Variants in DPP6 observed in about 807,000 individuals in gnomAD.
DPP6 encodes dipeptidyl peptidase like 6.
A neutral mutation model predicts 122.6 loss-of-function variants in DPP6; 69 were observed. The observed-to-expected ratio is 0.56, with a 90% CI of 0.46 to 0.69. The LOEUF (loss-of-function observed/expected upper bound fraction) is 0.69. DPP6 is among the 30% of genes least tolerant of loss of function. DPP6 has a pLI of 0.00. For missense variants in DPP6, 928 were observed against 1,116.9 expected (o/e 0.83, Z 2.41); for synonymous variants, 418 against 433.1 (o/e 0.97, Z 0.43).
At chr7:153,920,559 C>CTTT (rs1277103780) in intron 1 of DPP6, among the ~76,000 whole-genome samples, 1 of 18,016 alleles carries the variant, frequency 5.6e-5, no homozygotes, top group Admixed American at 8.1e-4. Flanking sequence ...TCTTTTATCT[C>CTTT]TCTCTTTTTT....
the DPP6 span, among the ~76,000 whole-genome samples, chr7:153,800,699 T>G: frequency 6.6e-6 from 1 of 152,044 alleles, no homozygotes; most frequent in Non-Finnish European, 1.5e-5. Context: ...GTATTTTTAG[T>G]AGAGACGGGG....
chr7:154,415,355 C>T (rs939484014), intron 1 of DPP6, among the ~76,000 whole-genome samples: 4 of 152,000 alleles, frequency 2.6e-5, no homozygotes, highest in Admixed American at 1.3e-4. Flanking sequence ...TAAAATATGC[C>T]GCATATAATA....
chr7:153,902,378 C>A (rs775221876), intron 1 of DPP6, among the ~76,000 whole-genome samples: 1 of 152,122 alleles, frequency 6.6e-6, no homozygotes, highest in Admixed American at 6.6e-5. Flanking sequence ...AAGTGTCCAC[C>A]GATGTTAGGC....
chr7:153,782,315 CCTT>C, the DPP6 span, among the ~76,000 whole-genome samples: 1 of 152,054 alleles, frequency 6.6e-6, no homozygotes, highest in East Asian at 1.9e-4. Context: ...TGCTCTCTCT[CCTT>C]CTGTATATTG....
intron 3 of DPP6, among the ~76,000 whole-genome samples, chr7:154,515,523 T>C (rs1377952116): frequency 6.6e-6 from 1 of 152,080 alleles, no homozygotes; most frequent in East Asian, 1.9e-4. Context: ...TCTCCCAGGC[T>C]GGAGTGCAGT....
chr7:154,308,694 G>A (rs754633557), intron 1 of DPP6, among the ~76,000 whole-genome samples: 6 of 152,084 alleles, frequency 3.9e-5, no homozygotes, highest in Admixed American at 1.3e-4. Context: ...ACAAGCCAAC[G>A]GAGCTCTTCC....
intron 10 of DPP6, among the ~76,000 whole-genome samples, chr7:154,787,146 G>A (rs1431129914): frequency 6.6e-6 from 1 of 152,204 alleles, no homozygotes; most frequent in East Asian, 1.9e-4. Flanking sequence ...GACTTCCAGT[G>A]TTTTCTTAAT....
At chr7:154,453,828 A>G (rs1820599013) in intron 2 of DPP6, among the ~76,000 whole-genome samples, 1 of 152,032 alleles carries the variant, frequency 6.6e-6, no homozygotes, top group South Asian at 2.1e-4. Context: ...CTTTTGTTCT[A>G]TATGTTTGTG....
intron 7 of DPP6, among the ~76,000 whole-genome samples, chr7:154,670,345 A>G (rs1044173940): frequency 8.5e-5 from 13 of 152,168 alleles, no homozygotes; most frequent in African/African-American, 3.1e-4. Context: ...GTGCAGAGAA[A>G]AAGGCCCTGA....
At chr7:153,771,644 T>G in the DPP6 span, among the ~76,000 whole-genome samples, 1 of 152,148 alleles carries the variant, frequency 6.6e-6, no homozygotes, top group Admixed American at 6.6e-5. Flanking sequence ...CTGGCCCCCC[T>G]GAAGTGATCT....
chr7:154,492,886 TGAAGGGTTGAG>T (rs1237171932), intron 3 of DPP6, among the ~76,000 whole-genome samples: 4 of 152,294 alleles, frequency 2.6e-5, no homozygotes, highest in Admixed American at 2.6e-4. Flanking sequence ...AAAATCTCAC[TGAAGGGTTGAG>T]GCTTGTTTTA....
intron 1 of DPP6, among the ~76,000 whole-genome samples, chr7:154,158,062 C>T (rs566130647): frequency 1.1e-3 from 160 of 148,762 alleles, no homozygotes; most frequent in African/African-American, 3.4e-3. Flanking sequence ...TTAACTCTTC[C>T]GTATTACTTT....
the DPP6 span, among the ~76,000 whole-genome samples, chr7:153,866,114 C>T: frequency 9.9e-5 from 15 of 152,080 alleles, no homozygotes; most frequent in African/African-American, 3.1e-4. Flanking sequence ...AATAAACATA[C>T]GTGTGCATGT....
chr7:153,892,979 G>A (rs1027775472), intron 1 of DPP6, among the ~76,000 whole-genome samples: 4 of 152,096 alleles, frequency 2.6e-5, no homozygotes, highest in Non-Finnish European at 5.9e-5. Flanking sequence ...AGCTAGGCAT[G>A]GGTCTGTTTC....
At chr7:154,023,318 G>GCACGCACGCACGCACACACACA (rs373378162) in intron 1 of DPP6, among the ~76,000 whole-genome samples, 2 of 129,526 alleles carry the variant, frequency 1.5e-5, no homozygotes, top group African/African-American at 6.4e-5. Context: ...TTTCTTGTCT[G>GCACGCACGCACGCACACACACA]CACACACACA....
chr7:154,815,639 T>G (rs1216812580), intron 16 of DPP6, among the ~76,000 whole-genome samples: 1 of 152,226 alleles, frequency 6.6e-6, no homozygotes, highest in Non-Finnish European at 1.5e-5. Flanking sequence ...TACTGAAACA[T>G]TTTTTGTATG....
chr7:154,786,450 A>G (rs937669188), intron 10 of DPP6, among the ~76,000 whole-genome samples: 3 of 152,156 alleles, frequency 2.0e-5, no homozygotes, highest in Admixed American at 6.5e-5. Context: ...TAATTGAATC[A>G]TGGGGGCAGT....
At chr7:154,838,367 A>G (rs775896290) in intron 16 of DPP6, 8 of 152,252 alleles carry the variant, frequency 5.3e-5, no homozygotes, top group Non-Finnish European at 1.0e-4. Flanking sequence ...CGGCTTCTCA[A>G]GAGACTCTGG....
the DPP6 span, among the ~76,000 whole-genome samples, chr7:153,793,082 AT>A: frequency 6.6e-6 from 1 of 152,232 alleles, no homozygotes; most frequent in East Asian, 1.9e-4. Context: ...AAACAAACTA[AT>A]GCGGTAAATT....
Sources: allele counts gnomAD v4.1 joint callset (sites outside exome capture counted in the v4.1 genomes callset), GRCh38; gene constraint gnomAD v4.1.1; transcripts MANE v1.5; gene names NCBI Gene and HGNC (gene_info 2026-07-23, HGNC 2026-07-21).